The following ANO9 variants were observed in gnomAD, a reference collection of about 807,000 sequenced individuals.
The protein encoded by ANO9 is anoctamin-9.
Under a neutral mutation model 100.5 loss-of-function variants are expected in ANO9, and 80 were observed. The ratio of observed to expected loss-of-function variants is 0.80; its 90% CI spans 0.66 to 0.96. The LOEUF (loss-of-function observed/expected upper bound fraction) is 0.96. Among genes scored for constraint, ANO9 ranks in the 40% least tolerant of loss-of-function variants. The pLI, the probability that ANO9 is intolerant of heterozygous loss-of-function variation, is 0.00. For missense variants in ANO9, 1,064 were observed against 1,072.7 expected, an observed-to-expected ratio of 0.99 and a Z score of 0.11; for synonymous variants, 473 against 435.6, an observed-to-expected ratio of 1.09 and a Z score of -1.07.
Position 434,098 on chromosome 11 carries a change from C to T in ANO9, c.7G>A (p.Gly3Ser). 6.5e-7 allele frequency: 1 copy of T among 1,550,242 alleles called. No homozygotes were observed. The highest frequency in any genetic ancestry group is 2.4e-5 in the East Asian group (1 of 40,934). Residue 3 changes from glycine (G) to serine (S), a missense_variant and splice_region_variant, in exon 2 of 23, where the codon GGC (glycine) becomes AGC (serine). Coordinates refer to ENST00000332826, the MANE Select transcript of ANO9 (RefSeq NM_001012302.3). Reference sequence around the variant, plus strand: ...ACCAGGATCCGGAGGCTCTCTTCGCCCTGGGGGTTTGGGGGCAGAGAAAGG... The same window carrying T: ...ACCAGGATCCGGAGGCTCTCTTCGCTCTGGGGGTTTGGGGGCAGAGAAAGG... MQGEESLRILVEP... is the reference protein window; with the variant it reads MQSEESLRILVEP...
At chr11:441,392 A>G (rs945438229) in intron 1 of ANO9, among the ~76,000 whole-genome samples, 3 of 152,090 alleles carry the variant, frequency 2.0e-5, no homozygotes, top group Non-Finnish European at 4.4e-5. Flanking sequence ...GGAATCCAGC[A>G]GCAGCAGTCG....
chr11:419,020 G>A (rs1848011573), intron 20 of ANO9, 31 bp from the exon 21 acceptor site: 1 of 1,612,104 alleles, frequency 6.2e-7, no homozygotes. Flanking sequence ...TGTGGGGTGG[G>A]GTGGGCTTCC....
rs1466337953 is a variant in ANO9 at position 420,864 on chromosome 11, C to T, written c.1491-4G>A. ...GCGGCACTTGTGGGTCACCCACCTG[C>T]GGGGAGAGCTGCGTGGCAGGGAGGG... On this transcript the variant is annotated splice_region_variant and splice_polypyrimidine_tract_variant and intron_variant, in intron 17 of 22. Coordinates refer to ENST00000332826, the MANE Select transcript of ANO9 (RefSeq NM_001012302.3). 1.3e-6 allele frequency: 2 copies of T among 1,588,348 alleles called. No individual in the cohort carries two copies. Among genetic ancestry groups the T allele is most frequent in the African/African-American group, 2.7e-5 (2 of 74,600 alleles).
chr11:429,871 G>A, intron 9 of ANO9, 53 bp from the exon 10 acceptor site: 2 of 1,470,558 alleles, frequency 1.4e-6, no homozygotes, highest in Non-Finnish European at 9.3e-7. Flanking sequence ...GGGGAGGGGG[G>A]CAGGTGAGCC....
chr11:426,434 A>G (rs1447105528), intron 15 of ANO9, among the ~76,000 whole-genome samples: 2 of 151,862 alleles, frequency 1.3e-5, no homozygotes, highest in Non-Finnish European at 1.5e-5. Context: ...TTAGCCAGGC[A>G]TGGTGGCACA....
At position 421,282 on chromosome 11, in the gene ANO9, G is replaced by T; in HGVS notation, c.1335-84C>A. ...GGTGCAGCAGGACAGAAGCGGGTAG[G>T]AAAGACACAGAACAGGCGGGGCAGG... On this transcript the variant is annotated intron_variant, in intron 15 of 22. Transcript: ENST00000332826. The surrounding 1 kb of genome is among the most constrained non-coding windows in gnomAD (Gnocchi z 6.8). 7.3e-7 allele frequency: 1 copy of T among 1,369,584 alleles called. No individual in the cohort carries two copies. Among genetic ancestry groups the T allele is most frequent in the Non-Finnish European group, 9.6e-7 (1 of 1,036,546 alleles). 84.8% of individuals were successfully genotyped at this position (1,369,584 alleles called of 1,614,324 possible). A position where few individuals can be genotyped will look rare whatever the true frequency, so the allele number is the denominator to read the frequency against.
chr11:420,693 C>T (rs928895226), intron 18 of ANO9, 25 bp downstream of exon 18: 12 of 1,603,372 alleles, frequency 7.5e-6, no homozygotes, highest in African/African-American at 1.3e-5. Context: ...TCTCCGCGAA[C>T]CCCCGCCCCG....
chr11:438,831 A>T (rs1164667390), intron 1 of ANO9, among the ~76,000 whole-genome samples: 3 of 151,686 alleles, frequency 2.0e-5, no homozygotes, highest in African/African-American at 4.9e-5. Flanking sequence ...GATGTCTGGG[A>T]CCCCCATGTC....
chr11:439,227 TG>T (rs963225591), intron 1 of ANO9, among the ~76,000 whole-genome samples: 9 of 152,202 alleles, frequency 5.9e-5, no homozygotes, highest in Non-Finnish European at 2.9e-5. Context: ...AGGGAGTTTG[TG>T]GGGGGCTCTT....
rs149618127 is a variant in ANO9 at position 421,650 on chromosome 11, GCACA to G, written c.1335-456_1335-453del. ...AGACGAACCGCACCTGCACGTGGGC[GCACA>G]CACACACACACAGGCAAGGCCACAG... On this transcript the variant is annotated intron_variant, in intron 15 of 22. Transcript: ENST00000332826. The surrounding 1 kb of genome is among the most constrained non-coding windows in gnomAD (Gnocchi z 6.8). Among the ~76,000 whole-genome samples the G allele has an allele frequency of 6.7e-6, 1 of 148,360 alleles. No homozygotes were observed. Among genetic ancestry groups the G allele is most frequent in the Non-Finnish European group, 1.5e-5 (1 of 66,800 alleles).
Position 420,635 on chromosome 11 carries a change from C to T in ANO9, c.1634-20G>A, listed in dbSNP as rs758307530. ...GGATCACTGCGCGGTGGGGGTCAGGCTCACCGGCGCCCCGCACTCATGTCC... is the reference window on the plus strand; with the variant it reads ...GGATCACTGCGCGGTGGGGGTCAGGTTCACCGGCGCCCCGCACTCATGTCC... On this transcript the variant is annotated intron_variant, in intron 18 of 22. Coordinates refer to ENST00000332826, the MANE Select transcript of ANO9 (RefSeq NM_001012302.3). 1.2e-6 allele frequency: 2 copies of T among 1,603,332 alleles called. No individual in the cohort carries two copies. The highest frequency in any genetic ancestry group is 1.7e-6 in the Non-Finnish European group (2 of 1,178,022).
In ANO9 at chr11:421,172, G is replaced by A. The variant is rs553196398; in HGVS notation, c.1361C>T (p.Thr454Met). Residue 454 changes from threonine to methionine, a missense_variant, in exon 16 of 23, where the codon ACG becomes ATG. Coordinates refer to ENST00000332826, the MANE Select transcript of ANO9 (RefSeq NM_001012302.3). This position sits in a 1 kb window ranked among gnomAD's most constrained non-coding sequence, Gnocchi z 6.8. Reference protein sequence around the residue: ...GRINGHPGKSTRLAGLWKLEE... With the variant: ...GRINGHPGKSMRLAGLWKLEE... ...CAGCTTCCACAAGCCCGCCAGGCGC[G>A]TGGACTTCCCGGGGTGGCCGTTGAT... The A allele has an allele frequency of 2.1e-5, 33 of 1,563,590 alleles. No individual in the cohort carries two copies. In the South Asian group the frequency reaches 3.0e-4, roughly 14 times the overall value.
intron 7 of ANO9, 139 bp downstream of exon 7, chr11:431,555 G>T (rs1848990231): frequency 2.7e-6 from 1 of 375,224 alleles, no homozygotes; most frequent in Admixed American, 5.4e-5. Flanking sequence ...GTATCTGGGG[G>T]CGTCTGCGGG....
chr11:428,414 A>C lies in ANO9; in HGVS notation c.1186-20T>G. Reference sequence around the variant, plus strand: ...GTTGATCTGCGGAGGAGGGCACCGAATGGGCTCACTGGGGCTCCGGTGGAC... The same window carrying C: ...GTTGATCTGCGGAGGAGGGCACCGACTGGGCTCACTGGGGCTCCGGTGGAC... On this transcript the variant is annotated intron_variant, in intron 13 of 22. Coordinates refer to ENST00000332826, the MANE Select transcript of ANO9 (RefSeq NM_001012302.3). 6.2e-7 allele frequency: 1 copy of C among 1,612,652 alleles called. No individual in the cohort carries two copies. The highest frequency in any genetic ancestry group is 8.5e-7 in the Non-Finnish European group (1 of 1,179,924).
chr11:432,436 G>A lies in ANO9; in HGVS notation c.351-382C>T, dbSNP rs7394572. 148,632 of 259,578 alleles carry A rather than the reference G, an allele frequency of 0.57. 43,445 individuals are homozygous for A. Among genetic ancestry groups the A allele is most frequent in the Middle Eastern group, 0.65 (491 of 756 alleles). 16.1% of individuals were successfully genotyped at this position (259,578 alleles called of 1,614,324 possible). On this transcript the variant is annotated intron_variant, in intron 4 of 22. Transcript: ENST00000332826. The surrounding 1 kb of genome is among the most constrained non-coding windows in gnomAD (Gnocchi z 4.8). The stretch of plus-strand genomic sequence containing the variant: ...CACACCCTCCTTATACCCTGGAGCT[G>A]TTCTGTTCCACTGTGCAGAGCAGAG...
chr11:430,379 G>A lies in ANO9; in HGVS notation c.564C>T (p.Ala188=). ...EIRNYFGEKV[A]LYFVWLGWYT... is the part of the protein sequence containing the mutation. ...ACCAGCCCAGCCAGACGAAGTACAG[G>A]GCCACCTTTTCCCCAAAGTAGTTCC... Residue 188 remains alanine, a synonymous_variant, in exon 8 of 23, where the codon GCC becomes GCT. Coordinates refer to ENST00000332826, the MANE Select transcript of ANO9 (RefSeq NM_001012302.3). 6.3e-7 allele frequency: 1 copy of A among 1,597,112 alleles called. No homozygotes were observed. Among genetic ancestry groups the A allele is most frequent in the South Asian group, 1.1e-5 (1 of 90,376 alleles).
rs1379414976 is a variant in ANO9, at chr11:420,436, G to A, written c.1786+27C>T. 7 of 1,595,910 alleles carry A rather than the reference G, an allele frequency of 4.4e-6. No individual in the cohort carries two copies. In the South Asian group the frequency reaches 4.4e-5, roughly 10 times the overall value. ...ACAGGCCTGAGGCCGCCCAGTTCCC[G>A]CCCATCCTGCGCCCGCCCGGTCTGA... On this transcript the variant is annotated intron_variant, in intron 19 of 22. Transcript: ENST00000332826.
chr11:431,933 G>A, intron 5 of ANO9, 27 bp from the exon 6 acceptor site: 1 of 1,611,674 alleles, frequency 6.2e-7, no homozygotes, highest in Non-Finnish European at 8.5e-7. Flanking sequence ...CACGAGTCAG[G>A]GGGAGTGAGG....
Position 420,936 on chromosome 11 carries a change from G to C in ANO9, c.1490+9C>G, listed in dbSNP as rs778401279. On this transcript the variant is annotated intron_variant, in intron 17 of 22. Transcript: ENST00000332826. ...GGGCTCCCGGGGCTGGGCGGGGGTC[G>C]GCACTCACGGGACCAGGTACTCGAC... 2 of 1,601,754 alleles carry C rather than the reference G, an allele frequency of 1.2e-6. No homozygotes were observed. The highest frequency in any genetic ancestry group is 2.2e-5 in the South Asian group (2 of 90,640).
Sources: allele counts gnomAD v4.1 joint callset (sites outside exome capture counted in the v4.1 genomes callset), GRCh38; gene constraint gnomAD v4.1.1; non-coding constraint Gnocchi (gnomAD v3.1); transcripts MANE v1.5; gene names NCBI Gene and HGNC (gene_info 2026-07-23, HGNC 2026-07-21).